Variants in PIAS3 observed in about 807,000 individuals in gnomAD.
PIAS3 encodes the protein E3 SUMO-protein ligase PIAS3.
A neutral mutation model predicts 67.6 loss-of-function variants in PIAS3; 34 were observed. That is an observed-to-expected ratio of 0.50 (90% confidence interval 0.38 to 0.67). The LOEUF (loss-of-function observed/expected upper bound fraction) is 0.67, where lower values mean the gene tolerates loss of function less well. Ranked by LOEUF, PIAS3 falls within the 30% of genes least tolerant of loss-of-function variation. The pLI is 0.00. For missense variants in PIAS3, 693 were observed against 791.6 expected, an observed-to-expected ratio of 0.88 and a Z score of 1.49; for synonymous variants, 341 against 313.8, an observed-to-expected ratio of 1.09 and a Z score of -0.92.
chr1:145,856,179 T>A (rs1048826828), intron 3 of PIAS3, 61 bp from the exon 4 acceptor site: 20 of 1,460,306 alleles, frequency 1.4e-5, no homozygotes, highest in Non-Finnish European at 1.8e-5. Context: ...CAAGGGTGAA[T>A]GCACAGAAAG....
chr1:145,852,324 A>G (rs1652994663), intron 9 of PIAS3, among the ~76,000 whole-genome samples: 1 of 152,182 alleles, frequency 6.6e-6, no homozygotes, highest in Non-Finnish European at 1.5e-5. Context: ...AGATTCCAAA[A>G]AGAGGTTAAG....
chr1:145,854,917 T>C, intron 5 of PIAS3, 37 bp from the exon 6 acceptor site: 1 of 1,611,384 alleles, frequency 6.2e-7, no homozygotes, highest in Admixed American at 1.7e-5. Flanking sequence ...GAGAAGTGGC[T>C]CTGGGAAGGG....
Position 145,848,630 on chromosome 1 carries a change from G to C in PIAS3, c.*816C>G, listed in dbSNP as rs1470049474. 4 of 630,972 alleles carry C rather than the reference G, an allele frequency of 6.3e-6. No homozygotes were observed. Among genetic ancestry groups the C allele is most frequent in the Non-Finnish European group, 5.5e-6 (2 of 363,886 alleles). 39.1% of individuals were successfully genotyped at this position (630,972 alleles called of 1,614,324 possible). The stretch of plus-strand genomic sequence containing the variant: ...CTTGGCGAGCCTGAAAAAGAAGATT[G>C]GGAAGGAGGGCACAGGGTCCTTCCA... On this transcript the variant is annotated 3_prime_UTR_variant, in exon 14 of 14. Transcript: ENST00000393045.
At chr1:145,856,320 G>C (rs374679272) in intron 3 of PIAS3, 27 bp downstream of exon 3, 26 of 1,574,966 alleles carry the variant, frequency 1.7e-5, no homozygotes, top group African/African-American at 2.7e-5. Context: ...GACCAGGGAT[G>C]AGGCAGGAAG....
intron 1 of PIAS3, among the ~76,000 whole-genome samples, chr1:145,858,547 A>G (rs1358592606): frequency 1.3e-5 from 2 of 150,024 alleles, no homozygotes; most frequent in African/African-American, 4.9e-5. Context: ...TTTCCCCCGG[A>G]GCCTCCCCTA....
In PIAS3 at chr1:145,854,870, G is replaced by A; in HGVS notation, c.680C>T (p.Pro227Leu). The A allele has an allele frequency of 6.2e-7, 1 of 1,614,184 alleles. No homozygotes were observed. Among genetic ancestry groups the A allele is most frequent in the Non-Finnish European group, 8.5e-7 (1 of 1,180,030 alleles). Residue 227 changes from proline to leucine, a missense_variant, in exon 6 of 14, where the codon CCC (proline) becomes CTC (leucine). Around this residue, in one of 3 missense-constraint regions of PIAS3, gnomAD observed 308 missense variants for 348.8 expected, o/e 0.88. Transcript: ENST00000393045. Reference sequence around the variant, plus strand: ...GGGCTCGGCCCCATTCTTGGTTGGGGGAAGGTAACCCTGGAGAAGGGAGGG... The same window carrying A: ...GGGCTCGGCCCCATTCTTGGTTGGGAGAAGGTAACCCTGGAGAAGGGAGGG... The part of the protein sequence containing the change: ...GKLCPLPGYL[P>L]PTKNGAEPKR...
rs1286637033 is a variant in PIAS3 at position 145,849,142 on chromosome 1, C to T, written c.*304G>A. On this transcript the variant is annotated 3_prime_UTR_variant, in exon 14 of 14. Transcript: ENST00000393045. The stretch of plus-strand genomic sequence containing the variant: ...CATAGTCAAGGCTGAGGGTTCAGCC[C>T]TTCTCCTAGCTCACATACCATCCCA... 1 of 250,042 alleles carries T rather than the reference C, an allele frequency of 4.0e-6. No homozygotes were observed. Among genetic ancestry groups the T allele is most frequent in the Non-Finnish European group, 7.6e-6 (1 of 132,052 alleles). The allele number at this position is 250,042 out of a possible 1,614,324, so 15.5% of individuals were successfully genotyped here. A position where few individuals can be genotyped will look rare whatever the true frequency, so the allele number is the denominator to read the frequency against.
chr1:145,854,570 G>A lies in PIAS3; in HGVS notation c.805-7C>T. The A allele has an allele frequency of 6.2e-7, 1 of 1,604,292 alleles. No individual in the cohort carries two copies. ...ACACAGACAAGGAGTAATTCTACTT[G>A]GAGGCAGGGGGTAGACAATTAGCCT... is the stretch of plus-strand genomic sequence containing the variant. On this transcript the variant is annotated splice_region_variant and splice_polypyrimidine_tract_variant and intron_variant, in intron 6 of 13. Coordinates refer to ENST00000393045, the MANE Select transcript of PIAS3 (RefSeq NM_006099.3).
intron 9 of PIAS3, 184 bp from the exon 10 acceptor site, chr1:145,851,337 AAAGT>A (rs1652956188): frequency 4.6e-6 from 3 of 656,770 alleles, no homozygotes; most frequent in African/African-American, 3.6e-5. Context: ...AGAGCTTTGC[AAAGT>A]AAGTAATAGG....
At chr1:145,854,398 G>A in intron 7 of PIAS3, 60 bp downstream of exon 7, 1 of 1,173,352 alleles carries the variant, frequency 8.5e-7, no homozygotes, top group Middle Eastern at 1.9e-4. Flanking sequence ...TATGAAGGCT[G>A]GAGGGCCAGG....
At chr1:145,856,203 T>A in intron 3 of PIAS3, 85 bp from the exon 4 acceptor site, 1 of 1,324,640 alleles carries the variant, frequency 7.5e-7, no homozygotes, top group Non-Finnish European at 1.1e-6. Context: ...GAAAGTCAGA[T>A]GTCCAGGAGA....
Position 145,849,349 on chromosome 1 carries a change from C to A in PIAS3, c.*97G>T, listed in dbSNP as rs1652859235. 1 of 1,308,982 alleles carries A rather than the reference C, an allele frequency of 7.6e-7. No homozygotes were observed. The highest frequency in any genetic ancestry group is 2.8e-5 in the East Asian group (1 of 35,964). The allele number at this position is 1,308,982 out of a possible 1,614,324, so 81.1% of individuals were successfully genotyped here. ...CTGTGAAGGTCTGTCTGGCCCTTGG[C>A]CAGAGCCCCCAGAGGGATCAGAGTA... On this transcript the variant is annotated 3_prime_UTR_variant, in exon 14 of 14. Coordinates refer to ENST00000393045, the MANE Select transcript of PIAS3 (RefSeq NM_006099.3).
At chr1:145,855,588 G>A (rs1192492712) in intron 5 of PIAS3, 148 bp downstream of exon 5, 12 of 641,466 alleles carry the variant, frequency 1.9e-5, no homozygotes, top group Middle Eastern at 2.6e-4. Context: ...TAATACTCTC[G>A]AGATTCTATT....
At chr1:145,857,280 G>C (rs1271785715) in intron 1 of PIAS3, 2 of 492,222 alleles carry the variant, frequency 4.1e-6, no homozygotes, top group African/African-American at 3.9e-5. Context: ...GAGTGGGGCA[G>C]GGAATGGCAG....
At chr1:145,852,271 C>A (rs1553734542) in intron 9 of PIAS3, among the ~76,000 whole-genome samples, 1 of 151,972 alleles carries the variant, frequency 6.6e-6, no homozygotes, top group Non-Finnish European at 1.5e-5. Flanking sequence ...AACAAACAAA[C>A]AAACAAAAAG....
At chr1:145,858,864 C>T in intron 1 of PIAS3, 103 bp downstream of exon 1, 3 of 1,076,286 alleles carry the variant, frequency 2.8e-6, no homozygotes, top group Non-Finnish European at 3.8e-6. Flanking sequence ...CCTGCCACGT[C>T]GTCGGCGCCC....
At chr1:145,850,302 C>G (rs1264607329) in intron 12 of PIAS3, 33 bp from the exon 13 acceptor site, 1 of 1,614,072 alleles carries the variant, frequency 6.2e-7, no homozygotes, top group Non-Finnish European at 8.5e-7. Context: ...AATTAACCTC[C>G]TATCTGACCC....
chr1:145,855,594 C>T (rs1478060856), intron 5 of PIAS3, 142 bp downstream of exon 5: 3 of 649,820 alleles, frequency 4.6e-6, no homozygotes, highest in Admixed American at 2.6e-5. Flanking sequence ...TCTCGAGATT[C>T]TATTGATTCA....
intron 7 of PIAS3, 22 bp from the exon 8 acceptor site, chr1:145,853,908 A>G: frequency 6.2e-7 from 1 of 1,610,734 alleles, no homozygotes; most frequent in Non-Finnish European, 8.5e-7. Flanking sequence ...GTGAGGCCAG[A>G]GCCATGGGGT....
Sources: gnomAD v4.1 joint callset for allele counts (sites outside exome capture counted in the v4.1 genomes callset) on GRCh38, gnomAD v4.1.1 for gene constraint, gnomAD v4.1.1 regional missense constraint, MANE v1.5 for transcripts, NCBI Gene and HGNC (gene_info 2026-07-23, HGNC 2026-07-21) for gene names.